The following COX18 variants were observed in gnomAD, a reference collection of about 807,000 sequenced individuals.
COX18 encodes cytochrome c oxidase assembly protein COX18, mitochondrial.
A neutral mutation model predicts 38.0 loss-of-function variants in COX18; 45 were observed. The observed-to-expected ratio is 1.18, with a 90% CI of 0.93 to 1.52. The LOEUF is 1.52. COX18 is among the 40% of genes most tolerant of loss of function. The pLI is 0.00. For synonymous variants in COX18, 177 were observed against 169.8 expected, an observed-to-expected ratio of 1.04 and a Z score of -0.33; for missense variants, 462 against 423.8, an observed-to-expected ratio of 1.09 and a Z score of -0.79.
At chr4:73,065,484 G>C in intron 2 of COX18, 71 bp from the exon 3 acceptor site, 1 of 1,315,010 alleles carries the variant, frequency 7.6e-7, no homozygotes, top group South Asian at 1.3e-5. Flanking sequence ...TATTTCCATA[G>C]CACAAATAGC....
chr4:73,063,057 C>A (rs1418358089), intron 4 of COX18, among the ~76,000 whole-genome samples: 1 of 152,040 alleles, frequency 6.6e-6, no homozygotes, highest in Non-Finnish European at 1.5e-5. Flanking sequence ...GTAATTCCAG[C>A]ACTTTGGGAG....
rs1446536569 is a variant in COX18, at chr4:73,058,267, T to C, written c.852A>G (p.Leu284=). The C allele has an allele frequency of 1.2e-6, 2 of 1,611,622 alleles. No homozygotes were observed. Among genetic ancestry groups the C allele is most frequent in the Non-Finnish European group, 1.7e-6 (2 of 1,179,270 alleles). Residue 284 remains leucine (L), a synonymous_variant, in exon 6 of 6, where the codon TTA becomes TTG. Coordinates refer to ENST00000507544, the MANE Select transcript of COX18 (RefSeq NM_001297732.2). ...TVPSSIVLYW[L]CSSFVGLSQN... is the part of the protein sequence containing the mutation. ...GTGAAAGGCCCACGAAGCTGGAGCA[T>C]AACCAGTAGAGAACAATTGACTATA...
In COX18 at chr4:73,061,090, T is replaced by A. The variant is rs1018675722; in HGVS notation, c.831+723A>T. Reference sequence around the variant, plus strand: ...CAAACATAACCATTTCTTTTTCTATTTCTATAAAGATTAATTAGGTATATA... The same window carrying A: ...CAAACATAACCATTTCTTTTTCTATATCTATAAAGATTAATTAGGTATATA... On this transcript the variant is annotated intron_variant, in intron 5 of 5. Coordinates refer to ENST00000507544, the MANE Select transcript of COX18 (RefSeq NM_001297732.2). Among the ~76,000 whole-genome samples the A allele has an allele frequency of 1.3e-5, 2 of 152,178 alleles. 1 individual carries two copies.
Position 73,065,304 on chromosome 4 carries a change from T to TC in COX18, c.543dup (p.Ile182AspfsTer37), listed in dbSNP as rs1720387569. The TC allele has an allele frequency of 6.2e-6, 10 of 1,613,278 alleles. No individual in the cohort carries two copies. Among genetic ancestry groups the TC allele is most frequent in the Non-Finnish European group, 8.5e-6 (10 of 1,179,830 alleles). ...TTCCGGAGAGCAAAAGACATGAAGATCCACATTGGAAGCTGAATCCAAACC... is the reference window on the plus strand; with the variant it reads ...TTCCGGAGAGCAAAAGACATGAAGATCCCACATTGGAAGCTGAATCCAAACC... On this transcript the variant is annotated frameshift_variant, in exon 3 of 6. Transcript: ENST00000507544. LOFTEE classifies it high-confidence loss of function.
intron 4 of COX18, among the ~76,000 whole-genome samples, chr4:73,063,567 T>G (rs375635626): frequency 9.9e-5 from 15 of 152,240 alleles, no homozygotes; most frequent in African/African-American, 3.1e-4. Context: ...GAAAACACCT[T>G]TATTAGTCTT....
rs1385392628 is a variant in COX18 at position 73,052,460 on chromosome 4, A to T, written c.*5654T>A. The T allele has an allele frequency of 6.6e-6, 1 of 152,160 alleles. No individual in the cohort carries two copies. Among genetic ancestry groups the T allele is most frequent in the Non-Finnish European group, 1.5e-5 (1 of 68,034 alleles). The allele number at this position is 152,160 out of a possible 1,614,324, so 9.4% of individuals were successfully genotyped here. The stretch of plus-strand genomic sequence containing the variant: ...CACAGCGTTCCAGAAACTTTTGGGT[A>T]AATAAAATTATCTGACTTTAATGCT... On this transcript the variant is annotated 3_prime_UTR_variant, in exon 6 of 6. Transcript: ENST00000507544.
In COX18 at chr4:73,069,517, G is replaced by A. The variant is rs148866675; in HGVS notation, c.133C>T (p.Pro45Ser). 8 of 1,586,564 alleles carry A rather than the reference G, an allele frequency of 5.0e-6. No individual in the cohort carries two copies. The African/African-American group carries it at 8.0e-5, about 16-fold the overall frequency. ...CCGTTCGCATGTACTGCAGAGACTG[G>A]TGCCACTGCCCACACTGGGAGAGTG... ...RPTLPVWAVAPVSAVHANGWY... is the reference protein window; with the variant it reads ...RPTLPVWAVASVSAVHANGWY... Residue 45 changes from proline to serine, a missense_variant, in exon 1 of 6, where the codon CCA becomes TCA. By Grantham distance (74) the Pro-to-Ser change is moderately conservative (BLOSUM62 -1). Transcript: ENST00000507544.
Position 73,061,849 on chromosome 4 carries a change from C to A in COX18, c.795G>T (p.Ser265=). Residue 265 remains serine, a synonymous_variant, in exon 5 of 6, where the codon TCG becomes TCT. Coordinates refer to ENST00000507544, the MANE Select transcript of COX18 (RefSeq NM_001297732.2). ...TYITYFVRAM[S]VLMIPIAATV... ...TTGCAGCAATTGGTATCATCAACAC[C>A]GACATTGCACGGACAAAGTACGTAA... The A allele has an allele frequency of 1.9e-6, 3 of 1,613,402 alleles. No individual in the cohort carries two copies. The highest frequency in any genetic ancestry group is 4.5e-5 in the East Asian group (2 of 44,872).
rs1719776610 is a variant in COX18 at position 73,052,783 on chromosome 4, T to C, written c.*5331A>G. ...AATTCTTGCATGGTTTCAGATGTTA[T>C]GCCTGAAATTCCAAAGTCTGCATTC... On this transcript the variant is annotated 3_prime_UTR_variant, in exon 6 of 6. Transcript: ENST00000507544. The C allele has an allele frequency of 6.6e-6, 1 of 152,214 alleles. No individual in the cohort carries two copies. Among genetic ancestry groups the C allele is most frequent in the African/African-American group, 2.4e-5 (1 of 41,444 alleles). 9.4% of individuals were successfully genotyped at this position (152,214 alleles called of 1,614,324 possible).
intron 2 of COX18, 46 bp from the exon 3 acceptor site, chr4:73,065,459 C>T (rs376705258): frequency 1.3e-6 from 2 of 1,516,554 alleles, no homozygotes; most frequent in South Asian, 2.3e-5. Context: ...AAAATGTCAT[C>T]TAAGAATCGT....
At chr4:73,059,386 A>T (rs897298269) in intron 5 of COX18, among the ~76,000 whole-genome samples, 20 of 152,206 alleles carry the variant, frequency 1.3e-4, no homozygotes, top group Non-Finnish European at 2.2e-4. Context: ...CATCTACCTC[A>T]GAGGATTGCT....
chr4:73,057,535 A>C lies in COX18; in HGVS notation c.*579T>G, dbSNP rs1283986509. 6.6e-6 allele frequency: 1 copy of C among 152,296 alleles called. No individual in the cohort carries two copies. The highest frequency in any genetic ancestry group is 2.4e-5 in the African/African-American group (1 of 41,462). 9.4% of individuals were successfully genotyped at this position (152,296 alleles called of 1,614,324 possible). ...CATTCAGTAGCTAACCCTATTCTCC[A>C]AAGTTCTGGTAGCTCTAACAAACTG... On this transcript the variant is annotated 3_prime_UTR_variant, in exon 6 of 6. Coordinates refer to ENST00000507544, the MANE Select transcript of COX18 (RefSeq NM_001297732.2).
At position 73,069,214 on chromosome 4, in the gene COX18, G is replaced by A. The variant is rs1720624306; in HGVS notation, c.333+103C>T. ...TCACGATGATTAAACACTAAGCACT[G>A]CAGAAGGCAACATCGTGCGATCGAA... is the stretch of plus-strand genomic sequence containing the variant. On this transcript the variant is annotated intron_variant, in intron 1 of 5. Transcript: ENST00000507544. 4.7e-6 allele frequency: 4 copies of A among 848,770 alleles called. No homozygotes were observed. The South Asian group carries it at 7.2e-5, about 15-fold the overall frequency. The allele number at this position is 848,770 out of a possible 1,614,324, so 52.6% of individuals were successfully genotyped here.
chr4:73,060,879 C>CAAA (rs34253453), intron 5 of COX18, among the ~76,000 whole-genome samples: 1 of 127,438 alleles, frequency 7.8e-6, no homozygotes, highest in African/African-American at 2.9e-5. Flanking sequence ...GACTCCATCT[C>CAAA]AAAAAAAAAA....
chr4:73,069,745 G>T (rs544715737), upstream of COX18: 138 of 1,230,760 alleles, frequency 1.1e-4, no homozygotes, highest in East Asian at 3.1e-3. Flanking sequence ...CAGCAACAGC[G>T]GGCATAAAGC....
In COX18 at chr4:73,054,344, A is replaced by G. The variant is rs893416427; in HGVS notation, c.*3770T>C. On this transcript the variant is annotated 3_prime_UTR_variant, in exon 6 of 6. Transcript: ENST00000507544. Reference sequence around the variant, plus strand: ...CAGACTTGCAATTTTCTGAAATACAATACAGATTTTTTGCTCTTTACTAAA... The same window carrying G: ...CAGACTTGCAATTTTCTGAAATACAGTACAGATTTTTTGCTCTTTACTAAA... The G allele has an allele frequency of 3.9e-5, 6 of 152,232 alleles. No homozygotes were observed. The highest frequency in any genetic ancestry group is 8.8e-5 in the Non-Finnish European group (6 of 68,042). 9.4% of individuals were successfully genotyped at this position (152,232 alleles called of 1,614,324 possible). A position where few individuals can be genotyped will look rare whatever the true frequency, so the allele number is the denominator to read the frequency against.
chr4:73,062,068 A>C, intron 4 of COX18, 148 bp from the exon 5 acceptor site: 3 of 560,102 alleles, frequency 5.4e-6, no homozygotes, highest in Non-Finnish European at 6.3e-6. Flanking sequence ...TGATTAATTT[A>C]TATGGCTGAT....
chr4:73,059,416 A>C (rs1017267333), intron 5 of COX18, among the ~76,000 whole-genome samples: 3 of 152,238 alleles, frequency 2.0e-5, no homozygotes, highest in African/African-American at 4.8e-5. Flanking sequence ...AAATGAGATA[A>C]TTCATGTAGA....
At chr4:73,067,986 G>GTGTA in intron 2 of COX18, 43 bp downstream of exon 2, 1 of 944,350 alleles carries the variant, frequency 1.1e-6, no homozygotes, top group South Asian at 1.3e-5. Context: ...GTGTGTGTGT[G>GTGTA]TGTATGTGTG....
Sources: gnomAD v4.1 joint callset for allele counts (sites outside exome capture counted in the v4.1 genomes callset) on GRCh38, gnomAD v4.1.1 for gene constraint, MANE v1.5 for transcripts, NCBI Gene and HGNC (gene_info 2026-07-23, HGNC 2026-07-21) for gene names.